The following WDR7 variants were observed in gnomAD, a reference collection of about 807,000 sequenced individuals.
WDR7 encodes the protein WD repeat domain 7.
Under a neutral mutation model 169.4 loss-of-function variants are expected in WDR7, and 46 were observed. That is an observed-to-expected ratio of 0.27 (90% CI 0.21 to 0.35). The LOEUF (loss-of-function observed/expected upper bound fraction) is 0.35, where lower values mean the gene tolerates loss of function less well. Ranked by LOEUF, WDR7 falls within the 10% of genes least tolerant of loss-of-function variation. The pLI, the probability that WDR7 is intolerant of heterozygous loss-of-function variation, is 1.00. For synonymous variants in WDR7, 612 were observed against 666.8 expected, an observed-to-expected ratio of 0.92 and a Z score of 1.27; for missense variants, 1,534 against 1,859.3, an observed-to-expected ratio of 0.83 and a Z score of 3.22.
At chr18:56,782,822 G>T (rs2044339697) in intron 19 of WDR7, among the ~76,000 whole-genome samples, 1 of 152,122 alleles carries the variant, frequency 6.6e-6, no homozygotes, top group African/African-American at 2.4e-5. Context: ...AATCAAGCAT[G>T]TGACCTTGGG....
At chr18:56,815,660 G>GA (rs2145213700) in intron 19 of WDR7, among the ~76,000 whole-genome samples, 1 of 152,250 alleles carries the variant, frequency 6.6e-6, no homozygotes, top group African/African-American at 2.4e-5. Flanking sequence ...ACATTAAAAA[G>GA]AAGTAAACTT....
intron 16 of WDR7, among the ~76,000 whole-genome samples, chr18:56,766,992 G>A (rs1244038360): frequency 1.3e-5 from 2 of 152,222 alleles, no homozygotes; most frequent in Non-Finnish European, 2.9e-5. Flanking sequence ...ACACTTTTGT[G>A]TTCTTAAAAA....
At chr18:56,863,245 T>C (rs2045834519) in intron 20 of WDR7, among the ~76,000 whole-genome samples, 1 of 151,820 alleles carries the variant, frequency 6.6e-6, no homozygotes, top group African/African-American at 2.4e-5. Context: ...TAAGGCTAAA[T>C]TTAATTGTAG....
At chr18:56,747,304 T>C (rs1160741503) in intron 14 of WDR7, among the ~76,000 whole-genome samples, 2 of 152,170 alleles carry the variant, frequency 1.3e-5, no homozygotes, top group Non-Finnish European at 1.5e-5. Context: ...TTCAACTTGG[T>C]TTTAGTTTTA....
Position 56,781,600 on chromosome 18 carries a change from A to G in WDR7, c.3134A>G (p.Glu1045Gly). Residue 1045 changes from glutamate (E) to glycine (G), a missense_variant, in exon 19 of 28, where the codon GAA becomes GGA. By Grantham distance (98) the Glu-to-Gly change is moderately conservative (BLOSUM62 -2). Transcript: ENST00000254442. Reference sequence around the variant, plus strand: ...AGAATTGAGCAGGCAGGCAGGAAGGAAGCCATTGATGCCTGGGCTCCTTAC... The same window carrying G: ...AGAATTGAGCAGGCAGGCAGGAAGGGAGCCATTGATGCCTGGGCTCCTTAC... ...LRRIEQAGRK[E>G]AIDAWAPYLP... is the part of the protein sequence containing the mutation. The G allele has an allele frequency of 6.2e-7, 1 of 1,613,032 alleles. No individual in the cohort carries two copies. The highest frequency in any genetic ancestry group is 8.5e-7 in the Non-Finnish European group (1 of 1,179,482).
At chr18:56,945,087 A>C (rs1175222252) in intron 25 of WDR7, among the ~76,000 whole-genome samples, 1 of 152,170 alleles carries the variant, frequency 6.6e-6, no homozygotes, top group Non-Finnish European at 1.5e-5. Context: ...TAAAACATCC[A>C]CTTACCCTGT....
chr18:56,974,018 C>G (rs2047528896), intron 26 of WDR7, among the ~76,000 whole-genome samples: 1 of 152,176 alleles, frequency 6.6e-6, no homozygotes, highest in Non-Finnish European at 1.5e-5. Context: ...ACTCTTGTCT[C>G]CATTGTTGGT....
intron 21 of WDR7, among the ~76,000 whole-genome samples, chr18:56,908,286 T>A (rs2046506722): frequency 6.6e-6 from 1 of 152,194 alleles, no homozygotes. Flanking sequence ...TTCTCTGACT[T>A]ATTTTTATGT....
intron 12 of WDR7, among the ~76,000 whole-genome samples, chr18:56,708,069 T>C (rs1233061496): frequency 6.6e-6 from 1 of 150,436 alleles, no homozygotes; most frequent in Non-Finnish European, 1.5e-5. Context: ...AGTCTTGCTC[T>C]GTCATCCAGG....
chr18:56,759,760 CT>C (rs566903249), intron 16 of WDR7, among the ~76,000 whole-genome samples: 1 of 152,098 alleles, frequency 6.6e-6, no homozygotes, highest in Admixed American at 6.5e-5. Flanking sequence ...TTCTTCCCTA[CT>C]TTTTTTTAAG....
downstream of WDR7, chr18:57,032,844 T>TATATATATATAC (rs1464286392): frequency 6.5e-5 from 8 of 123,752 alleles, no homozygotes; most frequent in African/African-American, 1.7e-4. Context: ...TATATATATA[T>TATATATATATAC]ACAGTGTAAT....
In WDR7 at chr18:56,874,189, C is replaced by T. The variant is rs372498958; in HGVS notation, c.3305-5755C>T. Among the ~76,000 whole-genome samples the T allele has an allele frequency of 2.6e-5, 4 of 152,264 alleles. No homozygotes were observed. In the East Asian group the frequency reaches 7.7e-4, roughly 29 times the overall value. On this transcript the variant is annotated intron_variant, in intron 20 of 27. Transcript: ENST00000254442. ...ACAAAGTTGGTTTTAAATGCATATC[C>T]TGAGATACAGATTATCAAAATGTTA...
At chr18:56,816,565 T>C (rs2044974441) in intron 20 of WDR7, among the ~76,000 whole-genome samples, 1 of 152,226 alleles carries the variant, frequency 6.6e-6, no homozygotes. Flanking sequence ...TTACTCTTTA[T>C]ACCTATACTG....
intron 19 of WDR7, among the ~76,000 whole-genome samples, chr18:56,782,984 TTAAA>T (rs2044342359): frequency 1.3e-5 from 2 of 152,326 alleles, no homozygotes; most frequent in South Asian, 4.1e-4. Context: ...AATACTTTTG[TTAAA>T]TACTTTATAA....
chr18:56,773,064 C>G (rs1412396338), intron 16 of WDR7, among the ~76,000 whole-genome samples: 3 of 152,082 alleles, frequency 2.0e-5, no homozygotes, highest in African/African-American at 7.2e-5. Context: ...GTTGCATGAG[C>G]TGCCAATTCT....
chr18:56,719,426 T>G (rs1005097846), intron 13 of WDR7, among the ~76,000 whole-genome samples: 2 of 151,936 alleles, frequency 1.3e-5, no homozygotes, highest in African/African-American at 4.8e-5. Context: ...GCCGGGCATG[T>G]TGGCGGGCGC....
In WDR7 at chr18:56,923,826, A is replaced by G. The variant is rs929643895; in HGVS notation, c.3527-96A>G. On this transcript the variant is annotated intron_variant, in intron 21 of 27. Coordinates refer to ENST00000254442, the MANE Select transcript of WDR7 (RefSeq NM_015285.3). ...GTTCAATACCTTTTTCAGTTAAAAAATCAAAAATGGATTATATTTTGAAAG... is the reference window on the plus strand; with the variant it reads ...GTTCAATACCTTTTTCAGTTAAAAAGTCAAAAATGGATTATATTTTGAAAG... 3.6e-5 allele frequency: 45 copies of G among 1,259,640 alleles called. 1 individual carries two copies. The highest frequency in any genetic ancestry group is 1.9e-4 in the Middle Eastern group (1 of 5,200). 78.0% of individuals were successfully genotyped at this position (1,259,640 alleles called of 1,614,324 possible).
intron 27 of WDR7, 70 bp from the exon 28 acceptor site, chr18:57,026,934 G>C: frequency 1.3e-6 from 2 of 1,500,614 alleles, no homozygotes; most frequent in South Asian, 2.5e-5. Flanking sequence ...AGGAGAGATC[G>C]ACCCAGTCTC....
At chr18:56,837,846 G>C (rs2045418944) in intron 20 of WDR7, among the ~76,000 whole-genome samples, 1 of 152,116 alleles carries the variant, frequency 6.6e-6, no homozygotes, top group Non-Finnish European at 1.5e-5. Flanking sequence ...TTTTAGTAGA[G>C]ACGGGGTTTC....
Sources: gnomAD v4.1 joint callset for allele counts (sites outside exome capture counted in the v4.1 genomes callset) on GRCh38, gnomAD v4.1.1 for gene constraint, MANE v1.5 for transcripts, NCBI Gene and HGNC (gene_info 2026-07-23, HGNC 2026-07-21) for gene names.